TCERG1L: variants seen among roughly 807,000 people sequenced by gnomAD.
TCERG1L encodes transcription elongation regulator 1 like.
In TCERG1L, 37 loss-of-function variants were observed where a neutral mutation model predicts 56.3. The ratio of observed to expected loss-of-function variants is 0.66; its 90% confidence interval spans 0.51 to 0.87. The LOEUF is 0.87. Among genes scored for constraint, TCERG1L ranks in the 40% least tolerant of loss-of-function variants. TCERG1L has a pLI of 0.00. For missense variants in TCERG1L, 799 were observed against 774.2 expected, an observed-to-expected ratio of 1.03 and a Z score of -0.38; for synonymous variants, 324 against 326.3, an observed-to-expected ratio of 0.99 and a Z score of 0.08.
At chr10:131,175,082 G>A (rs532114267) in intron 4 of TCERG1L, among the ~76,000 whole-genome samples, 2 of 152,286 alleles carry the variant, frequency 1.3e-5, no homozygotes, top group East Asian at 1.9e-4. Context: ...CTGGTGTCAC[G>A]GCTAGACAGA....
At chr10:131,156,557 A>G (rs1047160268) in intron 6 of TCERG1L, among the ~76,000 whole-genome samples, 4 of 152,156 alleles carry the variant, frequency 2.6e-5, no homozygotes, top group Non-Finnish European at 4.4e-5. Flanking sequence ...AAAGAAAGAA[A>G]AAGTAAAAAC....
rs969879770 is a variant in TCERG1L, at chr10:131,181,335, G to A, written c.857-14450C>T. Reference sequence around the variant, plus strand: ...CACCACCAGCAACACCAGGGGCCCGGGGGTGTCTGTGCTCAGCACAGAGGC... The same window carrying A: ...CACCACCAGCAACACCAGGGGCCCGAGGGTGTCTGTGCTCAGCACAGAGGC... On this transcript the variant is annotated intron_variant, in intron 4 of 11. Coordinates refer to ENST00000368642, the MANE Select transcript of TCERG1L (RefSeq NM_174937.4). Among the ~76,000 whole-genome samples the A allele has an allele frequency of 5.7e-4, 87 of 152,308 alleles. 1 individual carries two copies. Among genetic ancestry groups the A allele is most frequent in the African/African-American group, 2.0e-3 (85 of 41,568 alleles).
chr10:131,114,622 T>G (rs1845437917), intron 9 of TCERG1L, among the ~76,000 whole-genome samples: 1 of 152,034 alleles, frequency 6.6e-6, no homozygotes, highest in Non-Finnish European at 1.5e-5. Flanking sequence ...AAAATCTCAT[T>G]AGTAAAATCT....
intron 4 of TCERG1L, among the ~76,000 whole-genome samples, chr10:131,242,495 C>G (rs1845984436): frequency 6.6e-6 from 1 of 152,148 alleles, no homozygotes; most frequent in African/African-American, 2.4e-5. Flanking sequence ...GCGGGTTTCA[C>G]TCTGATACTA....
At chr10:131,113,457 G>A (rs555752118) in intron 9 of TCERG1L, among the ~76,000 whole-genome samples, 4 of 142,286 alleles carry the variant, frequency 2.8e-5, no homozygotes, top group African/African-American at 9.9e-5. Context: ...CCGGGGAGAC[G>A]GACAGGGCAA....
chr10:131,134,848 G>A (rs949203976), intron 7 of TCERG1L, among the ~76,000 whole-genome samples: 2 of 152,150 alleles, frequency 1.3e-5, no homozygotes, highest in Non-Finnish European at 2.9e-5. Context: ...CCAGGGAAGG[G>A]TGGCCCCCAG....
chr10:131,232,383 C>T (rs781723108), intron 4 of TCERG1L, among the ~76,000 whole-genome samples: 10 of 152,234 alleles, frequency 6.6e-5, no homozygotes, highest in Non-Finnish European at 1.2e-4. Flanking sequence ...CAGCCGCCTC[C>T]AACAGGCTGC....
chr10:131,261,499 G>A (rs1846237177), intron 3 of TCERG1L, among the ~76,000 whole-genome samples: 1 of 152,250 alleles, frequency 6.6e-6, no homozygotes, highest in Non-Finnish European at 1.5e-5. Flanking sequence ...GCTGTGCACA[G>A]GACGGTCAGT....
At position 131,224,590 on chromosome 10, in the gene TCERG1L, T is replaced by C. The variant is rs533919523; in HGVS notation, c.856+35669A>G. ...GTCAGTCACAACTGATGGCATGTCC[T>C]CAGGGCTGGACTAAGCTGTGCGGCC... is the stretch of plus-strand genomic sequence containing the variant. On this transcript the variant is annotated intron_variant, in intron 4 of 11. Transcript: ENST00000368642. Among the ~76,000 whole-genome samples, 102 of 152,344 alleles carry C rather than the reference T, an allele frequency of 6.7e-4. 1 individual carries two copies. The highest frequency in any genetic ancestry group is 2.4e-3 in the African/African-American group (100 of 41,582).
intron 7 of TCERG1L, among the ~76,000 whole-genome samples, chr10:131,144,714 T>G (rs1053552561): frequency 1.3e-5 from 2 of 152,212 alleles, no homozygotes; most frequent in Admixed American, 6.5e-5. Context: ...TCTACCATAA[T>G]AAAATGGGTA....
In TCERG1L at chr10:131,103,914, C is replaced by G. The variant is rs1349407274; in HGVS notation, c.1485+351G>C. The stretch of plus-strand genomic sequence containing the variant: ...TTTTAAGCATATAAAACCTTAAGGT[C>G]TTATGTAAGACCACCTCTTTCACTA... On this transcript the variant is annotated intron_variant, in intron 10 of 11. Transcript: ENST00000368642. This position sits in a 1 kb window ranked among gnomAD's most constrained non-coding sequence, Gnocchi z 4.3. 6.6e-6 allele frequency among the ~76,000 whole-genome samples: 1 copy of G among 152,074 alleles called. No homozygotes were observed. Among genetic ancestry groups the G allele is most frequent in the African/African-American group, 2.4e-5 (1 of 41,374 alleles).
chr10:131,199,740 C>G (rs774298477), intron 4 of TCERG1L, among the ~76,000 whole-genome samples: 1 of 152,228 alleles, frequency 6.6e-6, no homozygotes, highest in Non-Finnish European at 1.5e-5. Context: ...CAGGCACCAT[C>G]ATCACACCCT....
chr10:131,206,293 A>G (rs982046903), intron 4 of TCERG1L, among the ~76,000 whole-genome samples: 2 of 152,176 alleles, frequency 1.3e-5, no homozygotes, highest in African/African-American at 2.4e-5. Flanking sequence ...GACTCAGGGC[A>G]CTGGGCAGGG....
chr10:131,098,631 G>A (rs1355848605), intron 10 of TCERG1L, among the ~76,000 whole-genome samples: 1 of 152,190 alleles, frequency 6.6e-6, no homozygotes, highest in Non-Finnish European at 1.5e-5. Flanking sequence ...TGCCCACACG[G>A]CCCGGCATTT....
At chr10:131,163,884 C>T (rs1846003739) in intron 5 of TCERG1L, 1 of 152,204 alleles carries the variant, frequency 6.6e-6, no homozygotes, top group African/African-American at 2.4e-5. Flanking sequence ...AATCCCAGCA[C>T]TTTGGGAGGC....
At chr10:131,236,073 C>T (rs1320419623) in intron 4 of TCERG1L, among the ~76,000 whole-genome samples, 3 of 152,222 alleles carry the variant, frequency 2.0e-5, no homozygotes, top group African/African-American at 2.4e-5. Flanking sequence ...GAGTCACCTT[C>T]AAAATCCTAA....
intron 3 of TCERG1L, among the ~76,000 whole-genome samples, chr10:131,296,110 T>A (rs890772576): frequency 1.3e-5 from 2 of 152,248 alleles, no homozygotes; most frequent in African/African-American, 4.8e-5. Context: ...CAGCTTTTTT[T>A]AAATTTTGAT....
chr10:131,208,780 G>T (rs769366473), intron 4 of TCERG1L, among the ~76,000 whole-genome samples: 2 of 152,174 alleles, frequency 1.3e-5, no homozygotes, highest in Non-Finnish European at 2.9e-5. Flanking sequence ...AAACTTGGCC[G>T]GGCGCAGTGG....
chr10:131,262,333 C>T (rs1293435339), intron 3 of TCERG1L, among the ~76,000 whole-genome samples: 2 of 152,070 alleles, frequency 1.3e-5, no homozygotes, highest in Non-Finnish European at 2.9e-5. Context: ...TAGAGCTAGA[C>T]ATTTGGAGGC....
Sources: allele counts gnomAD v4.1 joint callset (sites outside exome capture counted in the v4.1 genomes callset), GRCh38; gene constraint gnomAD v4.1.1; non-coding constraint Gnocchi (gnomAD v3.1); transcripts MANE v1.5; gene names NCBI Gene and HGNC (gene_info 2026-07-23, HGNC 2026-07-21).